Variants in DLG2 observed in about 807,000 individuals in gnomAD.
DLG2 encodes disks large homolog 2.
Under a neutral mutation model 132.5 loss-of-function variants are expected in DLG2, and 45 were observed. That is an observed-to-expected ratio of 0.34 (90% CI 0.27 to 0.44). The LOEUF (loss-of-function observed/expected upper bound fraction) is 0.44, where lower values mean the gene tolerates loss of function less well. Among genes scored for constraint, DLG2 ranks in the 20% least tolerant of loss-of-function variants. The pLI is 1.00. For missense variants in DLG2, 1,045 were observed against 1,196.9 expected (o/e 0.87, Z 1.87); for synonymous variants, 424 against 419.6 (o/e 1.01, Z -0.13).
intron 6 of DLG2, among the ~76,000 whole-genome samples, chr11:84,739,948 G>A (rs958033105): frequency 9.2e-5 from 14 of 151,938 alleles, no homozygotes; most frequent in African/African-American, 3.1e-4. Context: ...TTGTGCCCAG[G>A]CCCCAGCTAG....
chr11:83,582,246 TC>T (rs2096992518), intron 19 of DLG2, among the ~76,000 whole-genome samples: 1 of 151,998 alleles, frequency 6.6e-6, no homozygotes, highest in Non-Finnish European at 1.5e-5. Context: ...ATGAGCCACC[TC>T]CCCGGCTGAC....
chr11:83,720,738 CTTTTTTTT>C lies in DLG2; in HGVS notation c.1825+65944_1825+65951del, dbSNP rs10690118. On this transcript the variant is annotated intron_variant, in intron 18 of 27. Coordinates refer to ENST00000376104, the MANE Select transcript of DLG2 (RefSeq NM_001142699.3). Reference sequence around the variant, plus strand: ...CTTTGACTCCCTTCTTCAGCCCTCCCTTTTTTTTTTTTTTTTTTTTTAATTACCAGAGA... The same window carrying C: ...CTTTGACTCCCTTCTTCAGCCCTCCCTTTTTTTTTTTTTAATTACCAGAGA... The C allele has an allele frequency of 2.4e-5, 3 of 124,074 alleles. No homozygotes were observed. The East Asian group carries it at 6.8e-4, about 28-fold the overall frequency. The allele number at this position is 124,074 out of a possible 1,614,324, so 7.7% of individuals were successfully genotyped here.
chr11:85,490,570 A>C (rs780405207), intron 3 of DLG2, among the ~76,000 whole-genome samples: 66 of 152,176 alleles, frequency 4.3e-4, no homozygotes, highest in African/African-American at 1.4e-3. Flanking sequence ...ACAAAAAAAG[A>C]AAGAAAACTC....
chr11:85,311,333 T>C (rs1449587156), intron 3 of DLG2, among the ~76,000 whole-genome samples: 1 of 152,168 alleles, frequency 6.6e-6, no homozygotes, highest in Non-Finnish European at 1.5e-5. Context: ...TTATCTCAGT[T>C]AATCTTCACA....
At chr11:83,524,716 C>T (rs552682519) in intron 21 of DLG2, among the ~76,000 whole-genome samples, 2 of 152,158 alleles carry the variant, frequency 1.3e-5, no homozygotes, top group African/African-American at 2.4e-5. Flanking sequence ...AAGCTTTGTA[C>T]TTATGCTTTG....
intron 6 of DLG2, among the ~76,000 whole-genome samples, chr11:84,818,783 T>C (rs956247655): frequency 6.6e-6 from 1 of 151,938 alleles, no homozygotes; most frequent in Admixed American, 6.6e-5. Flanking sequence ...TACAGAGGTA[T>C]ATGACTTGCC....
At chr11:85,079,121 G>T (rs1310117105) in intron 6 of DLG2, among the ~76,000 whole-genome samples, 1 of 152,066 alleles carries the variant, frequency 6.6e-6, no homozygotes, top group African/African-American at 2.4e-5. Flanking sequence ...TTGCAGGGTG[G>T]CTTTCAAGTC....
chr11:83,975,515 T>C (rs968009452), intron 12 of DLG2, among the ~76,000 whole-genome samples: 4 of 151,958 alleles, frequency 2.6e-5, no homozygotes, highest in African/African-American at 4.8e-5. Flanking sequence ...TACCAAGAGG[T>C]TTATTGCAAA....
chr11:84,697,345 C>T (rs868298726), intron 6 of DLG2, among the ~76,000 whole-genome samples: 45 of 151,456 alleles, frequency 3.0e-4, no homozygotes, highest in African/African-American at 4.6e-4. Flanking sequence ...AATTAGTATC[C>T]CAATCTCTTC....
At chr11:85,418,064 T>C (rs559918026) in intron 3 of DLG2, among the ~76,000 whole-genome samples, 18 of 152,296 alleles carry the variant, frequency 1.2e-4, no homozygotes, top group African/African-American at 3.8e-4. Flanking sequence ...CACTTTCTCC[T>C]GTGGACATTT....
chr11:83,894,136 T>G (rs2070834412), intron 15 of DLG2, among the ~76,000 whole-genome samples: 1 of 152,218 alleles, frequency 6.6e-6, no homozygotes, highest in Admixed American at 6.5e-5. Flanking sequence ...TTTGCTAAAT[T>G]ATTCTCCTTG....
In DLG2 at chr11:85,025,012, C is replaced by T. The variant is rs564357204; in HGVS notation, c.357+86649G>A. On this transcript the variant is annotated intron_variant, in intron 6 of 27. Transcript: ENST00000376104. The stretch of plus-strand genomic sequence containing the variant: ...TATTAATTTATTATTTTAAAAATCA[C>T]CACCATATTTACGTCTGTGCAATAT... Among the ~76,000 whole-genome samples, 274 of 152,182 alleles carry T rather than the reference C, an allele frequency of 1.8e-3. 2 individuals are homozygous for T. Among genetic ancestry groups the T allele is most frequent in the Non-Finnish European group, 2.9e-3 (197 of 68,028 alleles).
intron 11 of DLG2, among the ~76,000 whole-genome samples, chr11:84,021,977 C>T (rs1036032927): frequency 3.9e-5 from 6 of 152,132 alleles, no homozygotes; most frequent in African/African-American, 1.4e-4. Context: ...AAACTCCCAA[C>T]CTCAGATGAT....
intron 6 of DLG2, among the ~76,000 whole-genome samples, chr11:84,819,815 G>C (rs979816913): frequency 4.0e-5 from 6 of 150,918 alleles, no homozygotes; most frequent in Non-Finnish European, 8.9e-5. Context: ...CTTGACAAGT[G>C]ATCACATGGG....
At chr11:84,736,120 T>C (rs1321302201) in intron 6 of DLG2, among the ~76,000 whole-genome samples, 2 of 150,034 alleles carry the variant, frequency 1.3e-5, no homozygotes, top group Non-Finnish European at 3.0e-5. Flanking sequence ...CACATGTATA[T>C]TTAATTGTTT....
At chr11:84,738,014 C>T (rs1446141117) in intron 6 of DLG2, among the ~76,000 whole-genome samples, 1 of 151,990 alleles carries the variant, frequency 6.6e-6, no homozygotes, top group East Asian at 1.9e-4. Flanking sequence ...ATTTGATTTA[C>T]AGTGCTTTTG....
At chr11:85,185,941 T>G (rs2080063717) in intron 4 of DLG2, among the ~76,000 whole-genome samples, 1 of 152,010 alleles carries the variant, frequency 6.6e-6, no homozygotes, top group East Asian at 1.9e-4. Flanking sequence ...GTCACTTGAT[T>G]TAGGTCACAT....
chr11:84,464,057 G>T (rs1567702829), intron 7 of DLG2, among the ~76,000 whole-genome samples: 1 of 151,090 alleles, frequency 6.6e-6, no homozygotes, highest in Non-Finnish European at 1.5e-5. Flanking sequence ...TTCAAAAATG[G>T]TTACCCTTGC....
At chr11:84,549,465 G>T (rs1292999076) in intron 6 of DLG2, among the ~76,000 whole-genome samples, 2 of 152,156 alleles carry the variant, frequency 1.3e-5, no homozygotes, top group Non-Finnish European at 2.9e-5. Flanking sequence ...TGCACCTGGT[G>T]CCCAGAAAAG....
Sources: gnomAD v4.1 joint callset for allele counts (sites outside exome capture counted in the v4.1 genomes callset) on GRCh38, gnomAD v4.1.1 for gene constraint, MANE v1.5 for transcripts, NCBI Gene and HGNC (gene_info 2026-07-23, HGNC 2026-07-21) for gene names.